Variants in PITPNC1 observed in about 807,000 individuals in gnomAD.
The protein encoded by PITPNC1 is cytoplasmic phosphatidylinositol transfer protein 1.
A neutral mutation model predicts 44.7 loss-of-function variants in PITPNC1; 18 were observed. That is an observed-to-expected ratio of 0.40 (90% CI 0.28 to 0.60). The LOEUF (loss-of-function observed/expected upper bound fraction) is 0.60. Ranked by LOEUF, PITPNC1 falls within the 20% of genes least tolerant of loss-of-function variation. The pLI is 0.39. For synonymous variants in PITPNC1, 141 were observed against 149.6 expected (o/e 0.94, Z 0.42); for missense variants, 290 against 418.4 (o/e 0.69, Z 2.68).
chr17:67,431,573 G>A (rs773720548), intron 1 of PITPNC1, among the ~76,000 whole-genome samples: 2 of 152,184 alleles, frequency 1.3e-5, no homozygotes, highest in Non-Finnish European at 2.9e-5. Flanking sequence ...GGGTTTGGAC[G>A]TTGAGTGGAA....
chr17:67,679,551 A>G (rs1260320471), intron 8 of PITPNC1, among the ~76,000 whole-genome samples: 1 of 152,240 alleles, frequency 6.6e-6, no homozygotes, highest in Non-Finnish European at 1.5e-5. Flanking sequence ...TTAAGAGTCA[A>G]GAAAAAAGGA....
intron 1 of PITPNC1, among the ~76,000 whole-genome samples, chr17:67,495,112 A>G (rs1367698374): frequency 1.7e-5 from 2 of 116,026 alleles, no homozygotes; most frequent in Non-Finnish European, 3.2e-5. Flanking sequence ...GCTGGAGTGC[A>G]GTGGCGCTAT....
chr17:67,460,157 CA>C (rs2039314462), intron 1 of PITPNC1, among the ~76,000 whole-genome samples: 1 of 152,140 alleles, frequency 6.6e-6, no homozygotes, highest in Admixed American at 6.5e-5. Context: ...AGGTATTCTG[CA>C]CCCAGAATTG....
chr17:67,443,577 TA>T (rs888005677), intron 1 of PITPNC1, among the ~76,000 whole-genome samples: 1 of 145,816 alleles, frequency 6.9e-6, no homozygotes, highest in African/African-American at 2.5e-5. Flanking sequence ...ACAGCAACCA[TA>T]AAAAATCCAT....
chr17:67,571,427 CAAAAA>C (rs1360686721), intron 4 of PITPNC1, among the ~76,000 whole-genome samples: 1 of 151,966 alleles, frequency 6.6e-6, no homozygotes, highest in Non-Finnish European at 1.5e-5. Flanking sequence ...GGCTCTGTCT[CAAAAA>C]AGAAAAGAAA....
intron 2 of PITPNC1, among the ~76,000 whole-genome samples, chr17:67,547,711 T>G (rs547161912): frequency 3.3e-5 from 5 of 152,250 alleles, no homozygotes; most frequent in African/African-American, 1.2e-4. Context: ...TTTGTGATCA[T>G]AGGGATCGTA....
chr17:67,614,444 G>A (rs116796284), intron 5 of PITPNC1, among the ~76,000 whole-genome samples: 2,931 of 152,106 alleles, frequency 0.019, 87 homozygotes, highest in African/African-American at 0.063. Flanking sequence ...GCCAAGGTGG[G>A]GAGTTTTGCT....
chr17:67,474,024 G>T (rs1051416388), intron 1 of PITPNC1, among the ~76,000 whole-genome samples: 4 of 152,202 alleles, frequency 2.6e-5, no homozygotes, highest in African/African-American at 9.7e-5. Context: ...CTGGGTGAGA[G>T]ATGTTTTTAA....
chr17:67,506,543 G>T (rs554545748), intron 1 of PITPNC1, among the ~76,000 whole-genome samples: 2 of 152,098 alleles, frequency 1.3e-5, no homozygotes, highest in Non-Finnish European at 2.9e-5. Context: ...TTTAAATAAT[G>T]TATTTGCTAT....
At chr17:67,420,860 A>G (rs897558909) in intron 1 of PITPNC1, among the ~76,000 whole-genome samples, 1 of 152,204 alleles carries the variant, frequency 6.6e-6, no homozygotes, top group African/African-American at 2.4e-5. Context: ...TGATCAATCA[A>G]TAGCCCTTTA....
intron 1 of PITPNC1, among the ~76,000 whole-genome samples, chr17:67,513,518 AAAAT>A (rs1234809158): frequency 1.2e-4 from 17 of 146,070 alleles, no homozygotes; most frequent in Non-Finnish European, 2.2e-4. Flanking sequence ...TATATAGTAA[AAAAT>A]AAATAAGTAA....
intron 1 of PITPNC1, among the ~76,000 whole-genome samples, chr17:67,428,544 A>AG (rs1398661863): frequency 4.6e-5 from 7 of 151,412 alleles, no homozygotes; most frequent in African/African-American, 1.7e-4. Context: ...AAAAGAAAAA[A>AG]AAAAAAAAGA....
chr17:67,564,650 C>T lies in PITPNC1; in HGVS notation c.294+11033C>T, dbSNP rs183613554. ...AGTCAAGTTGACGCCTAAAATTAACCATCATAGTGTTCTTTATAACATAAT... is the reference window on the plus strand; with the variant it reads ...AGTCAAGTTGACGCCTAAAATTAACTATCATAGTGTTCTTTATAACATAAT... On this transcript the variant is annotated intron_variant, in intron 4 of 8. Coordinates refer to ENST00000581322, the MANE Select transcript of PITPNC1 (RefSeq NM_012417.4). 8.3e-4 allele frequency among the ~76,000 whole-genome samples: 127 copies of T among 152,212 alleles called. No homozygotes were observed. The Middle Eastern group carries it at 0.014, about 16-fold the overall frequency.
At chr17:67,533,079 C>A in intron 2 of PITPNC1, 129 bp downstream of exon 2, 1 of 671,690 alleles carries the variant, frequency 1.5e-6, no homozygotes, top group Non-Finnish European at 2.5e-6. Context: ...CCGTCTACGA[C>A]CACCAATCTC....
intron 1 of PITPNC1, among the ~76,000 whole-genome samples, chr17:67,378,756 G>GTC (rs1025773390): frequency 3.3e-5 from 5 of 152,220 alleles, no homozygotes; most frequent in African/African-American, 1.2e-4. Flanking sequence ...CTCCCGGCAC[G>GTC]TCCGCCCTTC....
intron 4 of PITPNC1, among the ~76,000 whole-genome samples, chr17:67,556,063 C>T (rs1015993728): frequency 2.6e-5 from 4 of 152,194 alleles, no homozygotes; most frequent in African/African-American, 9.7e-5. Context: ...AACAAGCTGG[C>T]CTCAGACCTG....
intron 6 of PITPNC1, among the ~76,000 whole-genome samples, chr17:67,668,691 G>A (rs2042461809): frequency 3.3e-5 from 5 of 152,116 alleles, no homozygotes; most frequent in Non-Finnish European, 5.9e-5. Context: ...GTGAAACCCC[G>A]TCTCTACTAA....
At chr17:67,513,245 T>C (rs956969202) in intron 1 of PITPNC1, among the ~76,000 whole-genome samples, 7 of 151,608 alleles carry the variant, frequency 4.6e-5, no homozygotes, top group Non-Finnish European at 7.4e-5. Context: ...GCGACTGTAA[T>C]CCCAGCTACT....
chr17:67,510,345 G>A (rs1034068863), intron 1 of PITPNC1, among the ~76,000 whole-genome samples: 1 of 152,138 alleles, frequency 6.6e-6, no homozygotes, highest in African/African-American at 2.4e-5. Context: ...AGGACACCCC[G>A]AACCTGCCTT....
Sources: allele counts gnomAD v4.1 joint callset (sites outside exome capture counted in the v4.1 genomes callset), GRCh38; gene constraint gnomAD v4.1.1; transcripts MANE v1.5; gene names NCBI Gene and HGNC (gene_info 2026-07-23, HGNC 2026-07-21).